PCDH15: variants seen among roughly 807,000 people sequenced by gnomAD.
PCDH15 encodes protocadherin-15.
In PCDH15, 129 loss-of-function variants were observed where a neutral mutation model predicts 178.5. The observed-to-expected ratio is 0.72, with a 90% confidence interval of 0.63 to 0.84. The LOEUF is 0.84. Among genes scored for constraint, PCDH15 ranks in the 40% least tolerant of loss-of-function variants. PCDH15 has a pLI of 0.00. For synonymous variants in PCDH15, 800 were observed against 732.0 expected, an observed-to-expected ratio of 1.09 and a Z score of -1.50; for missense variants, 2,230 against 2,099.9, an observed-to-expected ratio of 1.06 and a Z score of -1.21.
intron 2 of PCDH15, among the ~76,000 whole-genome samples, chr10:55,392,978 T>C (rs1837833479): frequency 8.2e-6 from 1 of 121,992 alleles, no homozygotes; most frequent in Non-Finnish European, 1.8e-5. Context: ...AACTAAAGTG[T>C]ATGTGTGTGT....
intron 2 of PCDH15, among the ~76,000 whole-genome samples, chr10:55,050,356 T>C (rs1841128646): frequency 6.6e-6 from 1 of 151,976 alleles, no homozygotes; most frequent in South Asian, 2.1e-4. Flanking sequence ...ACAAAGTACC[T>C]TGTACATTAA....
intron 1 of PCDH15, among the ~76,000 whole-genome samples, chr10:54,684,521 G>A (rs962690388): frequency 2.0e-5 from 3 of 151,908 alleles, no homozygotes; most frequent in Non-Finnish European, 4.4e-5. Flanking sequence ...TTATGTAAAT[G>A]CATATATGAG....
intron 28 of PCDH15, among the ~76,000 whole-genome samples, chr10:53,850,650 G>A (rs545318864): frequency 1.3e-5 from 2 of 151,816 alleles, no homozygotes; most frequent in African/African-American, 4.8e-5. Flanking sequence ...TTATTTTTAT[G>A]ATTGCTTTTA....
chr10:54,257,724 T>C (rs2057023566), intron 8 of PCDH15, among the ~76,000 whole-genome samples: 2 of 152,140 alleles, frequency 1.3e-5, no homozygotes, highest in Non-Finnish European at 2.9e-5. Context: ...ACTTTCAGTA[T>C]ATTCTAGAAA....
chr10:55,115,816 G>C (rs777292430), intron 2 of PCDH15, among the ~76,000 whole-genome samples: 46 of 152,210 alleles, frequency 3.0e-4, no homozygotes, highest in Non-Finnish European at 5.1e-4. Flanking sequence ...TTGTTAAAAG[G>C]GTTGTGAGAA....
chr10:54,249,050 T>C (rs79846720), intron 8 of PCDH15, among the ~76,000 whole-genome samples: 3,649 of 152,112 alleles, frequency 0.024, 101 homozygotes, highest in African/African-American at 0.063. Flanking sequence ...AAAAGTATAG[T>C]TCAGAGAAGC....
At chr10:54,213,351 T>C (rs1478493965) in intron 10 of PCDH15, among the ~76,000 whole-genome samples, 1 of 152,084 alleles carries the variant, frequency 6.6e-6, no homozygotes, top group Non-Finnish European at 1.5e-5. Flanking sequence ...AATATAGATA[T>C]ACTATTAAAC....
At chr10:55,418,260 A>C (rs1360845983) in intron 2 of PCDH15, among the ~76,000 whole-genome samples, 1 of 151,780 alleles carries the variant, frequency 6.6e-6, no homozygotes, top group Non-Finnish European at 1.5e-5. Flanking sequence ...TTTAGTGCAG[A>C]ATGTAACTGT....
At chr10:55,144,860 A>G (rs185201261) in intron 2 of PCDH15, among the ~76,000 whole-genome samples, 2 of 152,048 alleles carry the variant, frequency 1.3e-5, no homozygotes, top group Non-Finnish European at 2.9e-5. Context: ...ACAGTGCTCC[A>G]TATTTTATTT....
At chr10:54,280,806 G>A (rs11004202) in intron 8 of PCDH15, among the ~76,000 whole-genome samples, 12,112 of 151,618 alleles carry the variant, frequency 0.08, 660 homozygotes, top group Middle Eastern at 0.17. Context: ...TCTATTTCTC[G>A]ACTTTTGCTG....
At chr10:55,013,353 T>C (rs186199041) in intron 2 of PCDH15, among the ~76,000 whole-genome samples, 7 of 152,270 alleles carry the variant, frequency 4.6e-5, no homozygotes, top group Admixed American at 4.6e-4. Flanking sequence ...TTTCCTAAGA[T>C]AAAAAACACA....
At chr10:55,151,009 AC>A (rs1433720452) in intron 2 of PCDH15, among the ~76,000 whole-genome samples, 2 of 152,164 alleles carry the variant, frequency 1.3e-5, no homozygotes, top group Non-Finnish European at 2.9e-5. Context: ...ATTGAATATC[AC>A]AGTTAATAGT....
chr10:54,365,468 A>T (rs1166899661), intron 5 of PCDH15, among the ~76,000 whole-genome samples: 1 of 151,986 alleles, frequency 6.6e-6, no homozygotes, highest in Non-Finnish European at 1.5e-5. Context: ...TGACTGAAAA[A>T]TTTTCTCTCA....
chr10:54,270,826 A>G (rs2058003049), intron 8 of PCDH15, among the ~76,000 whole-genome samples: 1 of 152,186 alleles, frequency 6.6e-6, no homozygotes. Context: ...TATAACGTTG[A>G]TAAGAACAGG....
intron 2 of PCDH15, among the ~76,000 whole-genome samples, chr10:55,568,501 C>A (rs1211803106): frequency 6.6e-6 from 1 of 151,700 alleles, no homozygotes; most frequent in African/African-American, 2.4e-5. Context: ...ATGATAATTA[C>A]ATTATGTGTA....
intron 2 of PCDH15, among the ~76,000 whole-genome samples, chr10:55,145,806 A>G (rs143364080): frequency 6.6e-6 from 1 of 152,104 alleles, no homozygotes; most frequent in East Asian, 1.9e-4. Context: ...ACTGAGGTAG[A>G]TTCCCGAGAT....
intron 2 of PCDH15, among the ~76,000 whole-genome samples, chr10:55,447,411 C>T (rs2132076904): frequency 6.6e-6 from 1 of 151,904 alleles, no homozygotes; most frequent in African/African-American, 2.4e-5. Flanking sequence ...CGTTTAAGTC[C>T]CAGGGATGCT....
intron 2 of PCDH15, among the ~76,000 whole-genome samples, chr10:55,006,625 C>A (rs1839934130): frequency 6.6e-6 from 1 of 152,012 alleles, no homozygotes; most frequent in South Asian, 2.1e-4. Flanking sequence ...ACGTGTATGG[C>A]ACCTCAACAA....
intron 3 of PCDH15, among the ~76,000 whole-genome samples, chr10:54,886,452 T>G (rs1471051027): frequency 6.6e-6 from 1 of 152,178 alleles, no homozygotes; most frequent in Non-Finnish European, 1.5e-5. Context: ...TGCAACAACT[T>G]AGTTGCCTTA....
Sources: allele counts gnomAD v4.1 joint callset (sites outside exome capture counted in the v4.1 genomes callset), GRCh38; gene constraint gnomAD v4.1.1; transcripts MANE v1.5; gene names NCBI Gene and HGNC (gene_info 2026-07-23, HGNC 2026-07-21).